Variants in GRID2 observed in about 807,000 individuals in gnomAD.
The protein encoded by GRID2 is glutamate receptor ionotropic, delta-2.
GRID2 carries 33 observed loss-of-function variants against 114.8 expected under a neutral mutation model. The observed-to-expected ratio is 0.29, with a 90% confidence interval of 0.22 to 0.38. The LOEUF (loss-of-function observed/expected upper bound fraction) is 0.38, where lower values mean the gene tolerates loss of function less well. Among genes scored for constraint, GRID2 ranks in the 10% least tolerant of loss-of-function variants. The probability of loss-of-function intolerance (pLI) is 1.00; values close to 1 mark genes in which losing one functional copy is unlikely to be tolerated. For synonymous variants in GRID2, 505 were observed against 449.9 expected (o/e 1.12, Z -1.55); for missense variants, 1,184 against 1,257.7 (o/e 0.94, Z 0.89).
chr4:93,440,353 T>C (rs1037047082), intron 10 of GRID2, among the ~76,000 whole-genome samples: 4 of 151,660 alleles, frequency 2.6e-5, no homozygotes, highest in African/African-American at 9.7e-5. Flanking sequence ...GGGACCAGAG[T>C]AAAATACGTA....
At chr4:92,539,114 A>G (rs558689608) in intron 1 of GRID2, among the ~76,000 whole-genome samples, 2 of 152,166 alleles carry the variant, frequency 1.3e-5, no homozygotes, top group East Asian at 3.9e-4. Context: ...ATTGACATCA[A>G]TTGAGAAATG....
chr4:93,536,242 G>A (rs1286598406), intron 13 of GRID2, among the ~76,000 whole-genome samples: 1 of 151,830 alleles, frequency 6.6e-6, no homozygotes, highest in Non-Finnish European at 1.5e-5. Context: ...ACTACAAATA[G>A]CCAAAGCAAT....
rs893577075 is a variant in GRID2, at chr4:92,919,743, A to C, written c.245-165252A>C. Among the ~76,000 whole-genome samples the C allele has an allele frequency of 1.3e-4, 20 of 152,250 alleles. No individual in the cohort carries two copies. In the East Asian group the frequency reaches 3.7e-3, roughly 28 times the overall value. On this transcript the variant is annotated intron_variant, in intron 2 of 15. Coordinates refer to ENST00000282020, the MANE Select transcript of GRID2 (RefSeq NM_001510.4). ...AGTTTGTTATAATTTCTGTTCTGTT[A>C]CATTTGCTGAGGAGTGCTTTACTTC... is the stretch of plus-strand genomic sequence containing the variant.
chr4:93,233,336 T>TTA (rs1041484828), intron 7 of GRID2, among the ~76,000 whole-genome samples: 6 of 50,228 alleles, frequency 1.2e-4, no homozygotes, highest in Admixed American at 7.9e-4. Flanking sequence ...ATTATTATTA[T>TTA]TTTTTTTTTT....
At chr4:93,715,904 A>G (rs1455867552) in intron 14 of GRID2, among the ~76,000 whole-genome samples, 2 of 152,048 alleles carry the variant, frequency 1.3e-5, no homozygotes, top group African/African-American at 2.4e-5. Context: ...CTCTCTTCCT[A>G]TTTGAGTATC....
intron 2 of GRID2, among the ~76,000 whole-genome samples, chr4:92,719,863 A>G (rs1735730720): frequency 1.3e-5 from 2 of 152,092 alleles, no homozygotes; most frequent in South Asian, 4.1e-4. Flanking sequence ...GAAGTAGCAT[A>G]TTTTCCTCTA....
At chr4:93,650,723 C>G (rs1427314403) in intron 14 of GRID2, among the ~76,000 whole-genome samples, 1 of 152,100 alleles carries the variant, frequency 6.6e-6, no homozygotes, top group African/African-American at 2.4e-5. Flanking sequence ...TCTAAGAACT[C>G]TTTTGACCTT....
intron 1 of GRID2, among the ~76,000 whole-genome samples, chr4:92,491,539 C>G (rs1723148627): frequency 6.6e-6 from 1 of 152,190 alleles, no homozygotes; most frequent in African/African-American, 2.4e-5. Flanking sequence ...ACTACATTCT[C>G]TTTCCCTTGC....
At chr4:92,927,872 T>A (rs1749938410) in intron 2 of GRID2, among the ~76,000 whole-genome samples, 1 of 151,776 alleles carries the variant, frequency 6.6e-6, no homozygotes, top group Non-Finnish European at 1.5e-5. Context: ...TTTTTGGATG[T>A]TAGAATGTTT....
chr4:93,342,085 G>A (rs1234275557), intron 8 of GRID2, among the ~76,000 whole-genome samples: 1 of 152,044 alleles, frequency 6.6e-6, no homozygotes, highest in Non-Finnish European at 1.5e-5. Flanking sequence ...AGCACTGTGA[G>A]ATAGCATCTT....
rs767842411 is a variant in GRID2 at position 93,455,901 on chromosome 4, A to G, written c.1785A>G (p.Leu595=). Residue 595 remains leucine (L), a synonymous_variant, in exon 11 of 16, where the codon TTA becomes TTG. Transcript: ENST00000282020. ...TGAACTGGCTTAATCCCCCACGATTACAAATGGGATCAATGACGTCTACTA... is the reference window on the plus strand; with the variant it reads ...TGAACTGGCTTAATCCCCCACGATTGCAAATGGGATCAATGACGTCTACTA... ...YLLNWLNPPR[L]QMGSMTSTTL... 2.5e-6 allele frequency: 4 copies of G among 1,611,446 alleles called. No homozygotes were observed. The East Asian group carries it at 8.9e-5, about 36-fold the overall frequency.
At chr4:92,897,301 T>C (rs1037387923) in intron 2 of GRID2, among the ~76,000 whole-genome samples, 3 of 152,192 alleles carry the variant, frequency 2.0e-5, no homozygotes, top group African/African-American at 7.2e-5. Flanking sequence ...TCAAAGTTAA[T>C]GAAAAACAAC....
intron 2 of GRID2, among the ~76,000 whole-genome samples, chr4:93,011,523 G>A (rs567921345): frequency 3.1e-4 from 47 of 152,086 alleles, no homozygotes; most frequent in South Asian, 1.2e-3. Context: ...CTTTCCAGGA[G>A]CCCCCAGCCC....
intron 13 of GRID2, among the ~76,000 whole-genome samples, chr4:93,550,344 G>C (rs1241757855): frequency 6.6e-6 from 1 of 152,128 alleles, no homozygotes; most frequent in Non-Finnish European, 1.5e-5. Flanking sequence ...TAATCTGGTA[G>C]ATCTAAGGGA....
At chr4:92,532,288 A>T (rs1234040980) in intron 1 of GRID2, among the ~76,000 whole-genome samples, 1 of 152,194 alleles carries the variant, frequency 6.6e-6, no homozygotes, top group African/African-American at 2.4e-5. Context: ...ACAATTGTCC[A>T]ATGATACCTG....
chr4:92,757,125 T>C (rs748630911), intron 2 of GRID2, among the ~76,000 whole-genome samples: 3 of 152,142 alleles, frequency 2.0e-5, no homozygotes, highest in East Asian at 1.9e-4. Context: ...TGGATTATTG[T>C]ATTTGCTGAG....
intron 11 of GRID2, among the ~76,000 whole-genome samples, chr4:93,471,629 T>G (rs1724805571): frequency 6.6e-6 from 1 of 151,434 alleles, no homozygotes; most frequent in Admixed American, 6.6e-5. Flanking sequence ...AGATTATACA[T>G]ACTTTTCAAG....
chr4:93,538,701 A>G (rs1732354549), intron 13 of GRID2, among the ~76,000 whole-genome samples: 1 of 151,834 alleles, frequency 6.6e-6, no homozygotes, highest in Non-Finnish European at 1.5e-5. Context: ...AATCATGAGA[A>G]AAGAAATCAG....
At chr4:92,992,974 G>A (rs1357692795) in intron 2 of GRID2, among the ~76,000 whole-genome samples, 1 of 151,852 alleles carries the variant, frequency 6.6e-6, no homozygotes, top group Non-Finnish European at 1.5e-5. Context: ...TTCCATTGCA[G>A]CTACTTTCAG....
Sources: allele counts gnomAD v4.1 joint callset (sites outside exome capture counted in the v4.1 genomes callset), GRCh38; gene constraint gnomAD v4.1.1; transcripts MANE v1.5; gene names NCBI Gene and HGNC (gene_info 2026-07-23, HGNC 2026-07-21).